Variants in CCSER1 observed in about 807,000 individuals in gnomAD.
The protein encoded by CCSER1 is serine-rich coiled-coil domain-containing protein 1.
A neutral mutation model predicts 82.0 loss-of-function variants in CCSER1; 41 were observed. That is an observed-to-expected ratio of 0.50 (90% confidence interval 0.39 to 0.65). The LOEUF (loss-of-function observed/expected upper bound fraction) is 0.65, where lower values mean the gene tolerates loss of function less well. Ranked by LOEUF, CCSER1 falls within the 30% of genes least tolerant of loss-of-function variation. The pLI is 0.00. For synonymous variants in CCSER1, 414 were observed against 383.9 expected, an observed-to-expected ratio of 1.08 and a Z score of -0.92; for missense variants, 1,119 against 1,064.2, an observed-to-expected ratio of 1.05 and a Z score of -0.72.
intron 9 of CCSER1, among the ~76,000 whole-genome samples, chr4:90,982,289 C>G (rs538104767): frequency 1.8e-4 from 27 of 151,724 alleles, no homozygotes; most frequent in African/African-American, 5.8e-4. Flanking sequence ...CTTTGAATGG[C>G]AGTAATTTCA....
At chr4:90,286,478 C>T (rs530785053) in intron 1 of CCSER1, among the ~76,000 whole-genome samples, 1 of 152,100 alleles carries the variant, frequency 6.6e-6, no homozygotes, top group South Asian at 2.1e-4. Flanking sequence ...GCCACTTACA[C>T]AGTTTATTGA....
chr4:90,843,145 A>T (rs1279876491), intron 8 of CCSER1, among the ~76,000 whole-genome samples: 9 of 152,084 alleles, frequency 5.9e-5, no homozygotes, highest in Non-Finnish European at 1.0e-4. Flanking sequence ...AAGTTACATA[A>T]CCTCTCATTT....
intron 5 of CCSER1, among the ~76,000 whole-genome samples, chr4:90,574,293 G>T (rs139610304): frequency 8.9e-6 from 1 of 112,208 alleles, no homozygotes; most frequent in Admixed American, 1.3e-4. Context: ...ACGGAGTCTC[G>T]CTCTGTCGCA....
chr4:90,455,749 GCTTTTGGTAAC>G (rs1191367084), intron 4 of CCSER1, among the ~76,000 whole-genome samples: 2 of 152,132 alleles, frequency 1.3e-5, no homozygotes, highest in East Asian at 3.9e-4. Flanking sequence ...TAATCCTCCT[GCTTTTGGTAAC>G]CTTTAAATTC....
At chr4:90,277,961 T>C (rs987443971) in intron 1 of CCSER1, among the ~76,000 whole-genome samples, 13 of 152,090 alleles carry the variant, frequency 8.5e-5, no homozygotes, top group African/African-American at 3.1e-4. Flanking sequence ...ATCCAGATTC[T>C]ATAAGGAACT....
intron 9 of CCSER1, among the ~76,000 whole-genome samples, chr4:91,008,148 G>A (rs1002168955): frequency 2.0e-5 from 3 of 151,936 alleles, no homozygotes; most frequent in East Asian, 1.9e-4. Context: ...GTAGCCTGTC[G>A]TATGGTCTAT....
intron 10 of CCSER1, among the ~76,000 whole-genome samples, chr4:91,104,513 T>G (rs1263967194): frequency 6.7e-6 from 1 of 149,614 alleles, no homozygotes; most frequent in Non-Finnish European, 1.5e-5. Flanking sequence ...TGTTGAAATA[T>G]TGGGGGTGGG....
chr4:91,447,352 A>G lies in CCSER1; in HGVS notation c.2218-151220A>G, dbSNP rs79310262. Among the ~76,000 whole-genome samples the G allele has an allele frequency of 6.1e-3, 915 of 150,634 alleles. 6 individuals carry two copies. The highest frequency in any genetic ancestry group is 0.018 in the African/African-American group (753 of 40,850). On this transcript the variant is annotated intron_variant, in intron 10 of 10. Transcript: ENST00000509176. ...TTTGTTCCTTGTCCTGTCACCCTTTATAGTGTTGGCTTTGTCACTTATTAT... is the reference window on the plus strand; with the variant it reads ...TTTGTTCCTTGTCCTGTCACCCTTTGTAGTGTTGGCTTTGTCACTTATTAT...
rs1189309598 is a variant in CCSER1 at position 90,271,826 on chromosome 4, T to TTATATATA, written c.-41-36388_-41-36381dup. Among the ~76,000 whole-genome samples, 97 of 42,824 alleles carry TTATATATA rather than the reference T, an allele frequency of 2.3e-3. 1 individual carries two copies. Among genetic ancestry groups the TTATATATA allele is most frequent in the South Asian group, 4.2e-3 (3 of 708 alleles). The allele number at this position is 42,824 out of a possible 152,430, so 28.1% of individuals were successfully genotyped here. ...AAGATACTACCTGAGACTGGACAAT[T>TTATATATA]TATATATATATATATATATATATAT... is the stretch of plus-strand genomic sequence containing the variant. On this transcript the variant is annotated intron_variant, in intron 1 of 10. Transcript: ENST00000509176.
chr4:91,267,165 A>G (rs1311097955), intron 10 of CCSER1, among the ~76,000 whole-genome samples: 1 of 152,164 alleles, frequency 6.6e-6, no homozygotes, highest in African/African-American at 2.4e-5. Context: ...CTTGTAGCAC[A>G]CCTGTGGATC....
At chr4:91,159,033 A>C (rs544312870) in intron 10 of CCSER1, among the ~76,000 whole-genome samples, 1 of 151,920 alleles carries the variant, frequency 6.6e-6, no homozygotes, top group Non-Finnish European at 1.5e-5. Context: ...AGCTCGGATC[A>C]TATTTCTCCC....
intron 10 of CCSER1, among the ~76,000 whole-genome samples, chr4:91,263,002 T>A (rs138061024): frequency 5.9e-4 from 90 of 152,122 alleles, no homozygotes; most frequent in African/African-American, 2.1e-3. Context: ...GGCCTTAATA[T>A]CATCATCTGT....
chr4:91,308,199 C>A (rs1402145486), intron 10 of CCSER1, among the ~76,000 whole-genome samples: 4 of 151,912 alleles, frequency 2.6e-5, no homozygotes, highest in Non-Finnish European at 2.9e-5. Context: ...TCCTGTATGG[C>A]TTGCTGTTTA....
intron 10 of CCSER1, among the ~76,000 whole-genome samples, chr4:91,139,790 GT>G (rs1226481326): frequency 1.3e-5 from 2 of 152,024 alleles, no homozygotes; most frequent in Non-Finnish European, 2.9e-5. Context: ...AAAGAACAGT[GT>G]TTAAAAATAA....
chr4:90,972,225 G>T (rs1229811495), intron 9 of CCSER1, among the ~76,000 whole-genome samples: 1 of 151,664 alleles, frequency 6.6e-6, no homozygotes, highest in Admixed American at 6.6e-5. Flanking sequence ...GATATTATAT[G>T]AAGAAAACCC....
chr4:91,273,518 G>T (rs2149187553), intron 10 of CCSER1, among the ~76,000 whole-genome samples: 1 of 151,950 alleles, frequency 6.6e-6, no homozygotes, highest in East Asian at 1.9e-4. Context: ...GAGTCTTTAG[G>T]GTTTTCTAGG....
chr4:90,828,863 A>G (rs1760800835), intron 8 of CCSER1, among the ~76,000 whole-genome samples: 2 of 152,304 alleles, frequency 1.3e-5, no homozygotes, highest in African/African-American at 4.8e-5. Flanking sequence ...CTTTTAGAGA[A>G]TAAAGCAAGA....
At chr4:90,597,265 A>C (rs141059366) in intron 5 of CCSER1, among the ~76,000 whole-genome samples, 30 of 152,112 alleles carry the variant, frequency 2.0e-4, no homozygotes, top group African/African-American at 6.7e-4. Context: ...TGCTTAATTC[A>C]TGCCTCTGAT....
chr4:90,360,285 T>C (rs1203281665), intron 3 of CCSER1, among the ~76,000 whole-genome samples: 2 of 148,146 alleles, frequency 1.4e-5, no homozygotes, highest in Admixed American at 6.7e-5. Context: ...TCTCAGCCCT[T>C]TGGGAGGCCG....
Sources: allele counts gnomAD v4.1 joint callset (sites outside exome capture counted in the v4.1 genomes callset), GRCh38; gene constraint gnomAD v4.1.1; transcripts MANE v1.5; gene names NCBI Gene and HGNC (gene_info 2026-07-23, HGNC 2026-07-21).